Variants in ACSM2B observed in about 807,000 individuals in gnomAD.
The protein encoded by ACSM2B is acyl-coenzyme A synthetase ACSM2B, mitochondrial.
In ACSM2B, 58 loss-of-function variants were observed where a neutral mutation model predicts 78.6. The observed-to-expected ratio is 0.74, with a 90% CI of 0.60 to 0.92. The LOEUF is 0.92. ACSM2B is among the 40% of genes least tolerant of loss of function. The pLI is 0.00. For synonymous variants in ACSM2B, 257 were observed against 256.8 expected (o/e 1.00, Z -0.01); for missense variants, 688 against 711.2 (o/e 0.97, Z 0.37).
chr16:20,569,588 T>G (rs1267239193), intron 1 of ACSM2B, among the ~76,000 whole-genome samples: 1 of 151,810 alleles, frequency 6.6e-6, no homozygotes, highest in Non-Finnish European at 1.5e-5. Flanking sequence ...ATTTTAGGAT[T>G]TTTTTCTCTA....
chr16:20,566,751 TATATA>T (rs2015899035), intron 1 of ACSM2B, among the ~76,000 whole-genome samples: 1 of 73,414 alleles, frequency 1.4e-5, no homozygotes, highest in African/African-American at 8.5e-5. Flanking sequence ...CTATATATAC[TATATA>T]TAGTATATAT....
At chr16:20,546,804 A>C (rs1367976313) in intron 8 of ACSM2B, 2 of 238,922 alleles carry the variant, frequency 8.4e-6, no homozygotes, top group Non-Finnish European at 1.5e-5. Flanking sequence ...GGAATCACCA[A>C]TATGCAATCT....
At chr16:20,558,093 G>A (rs1189053273) in intron 3 of ACSM2B, among the ~76,000 whole-genome samples, 2 of 152,114 alleles carry the variant, frequency 1.3e-5, no homozygotes, top group African/African-American at 4.8e-5. Flanking sequence ...GGAGCCAGAG[G>A]TCACAAGATT....
rs1007038527 is a variant in ACSM2B, at chr16:20,544,524, T to C, written c.1281+633A>G. The C allele has an allele frequency of 2.5e-4, 236 of 937,944 alleles. No individual in the cohort carries two copies. In the African/African-American group the frequency reaches 3.9e-3, roughly 16 times the overall value. 58.1% of individuals were successfully genotyped at this position (937,944 alleles called of 1,614,324 possible). A position where few individuals can be genotyped will look rare whatever the true frequency, so the allele number is the denominator to read the frequency against. On this transcript the variant is annotated intron_variant, in intron 10 of 13. Coordinates refer to ENST00000329697, the MANE Select transcript of ACSM2B (RefSeq NM_001105069.2). ...TATGCATTCAATAAATGGTAGAAAC[T>C]ATTATTATTTGATTTATTATTTATT...
At chr16:20,540,823 TCTC>T in intron 12 of ACSM2B, 50 bp from the exon 13 acceptor site, 1 of 1,588,590 alleles carries the variant, frequency 6.3e-7, no homozygotes, top group Non-Finnish European at 8.6e-7. Flanking sequence ...TGTGTAGTCA[TCTC>T]CTGGAATAAT....
At chr16:20,553,301 G>A (rs1010219583) in intron 5 of ACSM2B, among the ~76,000 whole-genome samples, 3 of 152,164 alleles carry the variant, frequency 2.0e-5, no homozygotes, top group Non-Finnish European at 4.4e-5. Context: ...TAATGTATCA[G>A]TGGGAAAAAA....
chr16:20,556,433 C>T (rs2015476830), intron 3 of ACSM2B, among the ~76,000 whole-genome samples: 1 of 152,100 alleles, frequency 6.6e-6, no homozygotes, highest in South Asian at 2.1e-4. Context: ...GAAACCCCAG[C>T]TTTACTAAAA....
chr16:20,552,118 C>T, intron 6 of ACSM2B, 26 bp downstream of exon 6: 1 of 1,571,816 alleles, frequency 6.4e-7, no homozygotes, highest in South Asian at 1.2e-5. Context: ...CTCTGAATAA[C>T]TGCTGCAAAC....
At position 20,542,873 on chromosome 16, in the gene ACSM2B, G is replaced by A. The variant is rs775072162; in HGVS notation, c.1509+41C>T. ...AACCATCATACTACACTGCCCTTGT[G>A]TTCATATCTGTTCACCCCCAGGCTA... On this transcript the variant is annotated intron_variant, in intron 12 of 13. Transcript: ENST00000329697. 16 of 1,610,360 alleles carry A rather than the reference G, an allele frequency of 9.9e-6. 1 individual carries two copies. In the East Asian group the frequency reaches 2.9e-4, roughly 29 times the overall value.
Position 20,548,351 on chromosome 16 carries a change from G to C in ACSM2B, c.974+43C>G, listed in dbSNP as rs746816181. The C allele has an allele frequency of 7.6e-5, 122 of 1,610,598 alleles. No homozygotes were observed. In the East Asian group the frequency reaches 2.3e-3, roughly 30 times the overall value. On this transcript the variant is annotated intron_variant, in intron 7 of 13. Coordinates refer to ENST00000329697, the MANE Select transcript of ACSM2B (RefSeq NM_001105069.2). ...ATGAATGTATGTGAGGGAGTCAGGG[G>C]GATGGGGCCAGACTCTCTTACCAAT...
At chr16:20,564,138 CTG>C (rs1282479434) in intron 2 of ACSM2B, among the ~76,000 whole-genome samples, 7 of 152,184 alleles carry the variant, frequency 4.6e-5, no homozygotes, top group Non-Finnish European at 1.0e-4. Flanking sequence ...GAATCTCACT[CTG>C]TGGAGTGCGG....
Position 20,537,176 on chromosome 16 carries a change from T to C in ACSM2B, c.*82A>G, listed in dbSNP as rs1438172478. The C allele has an allele frequency of 1.3e-6, 2 of 1,505,158 alleles. No homozygotes were observed. Among genetic ancestry groups the C allele is most frequent in the African/African-American group, 1.4e-5 (1 of 72,074 alleles). 93.2% of individuals were successfully genotyped at this position (1,505,158 alleles called of 1,614,324 possible). A position where few individuals can be genotyped will look rare whatever the true frequency, so the allele number is the denominator to read the frequency against. On this transcript the variant is annotated 3_prime_UTR_variant, in exon 14 of 14. Transcript: ENST00000329697. ...TCATGTTCTTTCATAAAGAATCTCA[T>C]ATCATCATAGTAAGGCCAAGGGCCC... is the stretch of plus-strand genomic sequence containing the variant.
At chr16:20,572,535 C>A (rs2016117589) in intron 1 of ACSM2B, among the ~76,000 whole-genome samples, 1 of 141,014 alleles carries the variant, frequency 7.1e-6, no homozygotes, top group Non-Finnish European at 1.5e-5. Context: ...CTTTAGATAA[C>A]CTGATGACAA....
chr16:20,575,360 ATG>A (rs942235017), intron 1 of ACSM2B: 1 of 151,712 alleles, frequency 6.6e-6, no homozygotes, highest in Non-Finnish European at 1.5e-5. Context: ...TAACATATGT[ATG>A]TGTGTATATA....
rs761408889 is a variant in ACSM2B at position 20,542,895 on chromosome 16, G to A, written c.1509+19C>T. Reference sequence around the variant, plus strand: ...TGTGTTCATATCTGTTCACCCCCAGGCTACTGCTTCCCCATCACCTCTCCT... The same window carrying A: ...TGTGTTCATATCTGTTCACCCCCAGACTACTGCTTCCCCATCACCTCTCCT... On this transcript the variant is annotated intron_variant, in intron 12 of 13. Transcript: ENST00000329697. The A allele has an allele frequency of 2.5e-6, 4 of 1,613,132 alleles. No individual in the cohort carries two copies. The East Asian group carries it at 8.9e-5, about 36-fold the overall frequency.
chr16:20,547,593 G>C (rs2015177410), intron 8 of ACSM2B: 7 of 995,774 alleles, frequency 7.0e-6, no homozygotes. Context: ...AAGAAGATAT[G>C]TCAGGAGGTG....
chr16:20,548,418 A>G lies in ACSM2B; in HGVS notation c.950T>C (p.Met317Thr), dbSNP rs2015208469. ...SMMGAPIVYR[M>T]LLQQDLSSYK... ...CCTGGAAAGATCCTGCTGTAGCAAC[A>G]TCCGGTAAACAATAGGGGCACCCAT... The change falls in exon 7 of 14, where the codon ATG becomes ACG. Residue 317 changes from methionine (M) to threonine (T), a missense_variant. Transcript: ENST00000329697. The G allele has an allele frequency of 1.9e-6, 3 of 1,613,580 alleles. No homozygotes were observed. The highest frequency in any genetic ancestry group is 2.5e-6 in the Non-Finnish European group (3 of 1,179,750).
At chr16:20,544,420 G>T in intron 10 of ACSM2B, 1 of 385,282 alleles carries the variant, frequency 2.6e-6, no homozygotes, top group Non-Finnish European at 3.5e-6. Flanking sequence ...GTGGCTGGGA[G>T]GATTAAACGA....
At chr16:20,546,793 T>C (rs559148898) in intron 8 of ACSM2B, 11 of 257,358 alleles carry the variant, frequency 4.3e-5, no homozygotes, top group East Asian at 4.2e-4. Context: ...GCAAACTATA[T>C]GGAATCACCA....
Sources: allele counts gnomAD v4.1 joint callset (sites outside exome capture counted in the v4.1 genomes callset), GRCh38; gene constraint gnomAD v4.1.1; transcripts MANE v1.5; gene names NCBI Gene and HGNC (gene_info 2026-07-23, HGNC 2026-07-21).